PTPRD: variants seen among roughly 807,000 people sequenced by gnomAD.
PTPRD encodes receptor-type tyrosine-protein phosphatase delta.
In PTPRD, 34 loss-of-function variants were observed where a neutral mutation model predicts 214.5. The observed-to-expected ratio is 0.16, with a 90% CI of 0.12 to 0.21. The LOEUF (loss-of-function observed/expected upper bound fraction) is 0.21. Among genes scored for constraint, PTPRD ranks in the 10% least tolerant of loss-of-function variants. The pLI is 1.00. For missense variants in PTPRD, 2,545 were observed against 2,398.7 expected (o/e 1.06, Z -1.27); for synonymous variants, 1,128 against 845.7 (o/e 1.33, Z -5.79).
chr9:8,445,516 G>T (rs958890901), intron 34 of PTPRD, among the ~76,000 whole-genome samples: 6 of 152,012 alleles, frequency 3.9e-5, no homozygotes, highest in Non-Finnish European at 8.8e-5. Flanking sequence ...CTTTAATAAT[G>T]AAAGTGTACA....
chr9:9,951,951 G>A (rs1028856976), intron 4 of PTPRD, among the ~76,000 whole-genome samples: 5 of 152,104 alleles, frequency 3.3e-5, no homozygotes, highest in African/African-American at 1.2e-4. Flanking sequence ...CCTGGCCCTG[G>A]CCCAAATATA....
intron 3 of PTPRD, among the ~76,000 whole-genome samples, chr9:10,112,494 G>A (rs1218474073): frequency 1.3e-5 from 2 of 151,906 alleles, no homozygotes; most frequent in African/African-American, 2.4e-5. Flanking sequence ...GTAAATGAAG[G>A]TCACTGCTTT....
chr9:9,533,001 CAGA>C (rs1459982609), intron 8 of PTPRD, among the ~76,000 whole-genome samples: 1 of 152,080 alleles, frequency 6.6e-6, no homozygotes, highest in East Asian at 1.9e-4. Context: ...GAAGACAGTG[CAGA>C]AGAAGTTTAC....
At chr9:8,535,906 C>T (rs1335000283) in intron 14 of PTPRD, among the ~76,000 whole-genome samples, 2 of 151,718 alleles carry the variant, frequency 1.3e-5, no homozygotes, top group Non-Finnish European at 2.9e-5. Context: ...TTACTAAATC[C>T]CACCTTTAAC....
At chr9:9,154,959 T>C (rs2099879970) in intron 10 of PTPRD, among the ~76,000 whole-genome samples, 1 of 152,216 alleles carries the variant, frequency 6.6e-6, no homozygotes, top group Admixed American at 6.6e-5. Context: ...CTGTCTTGTG[T>C]GCTTGTGTCT....
intron 7 of PTPRD, among the ~76,000 whole-genome samples, chr9:9,673,964 T>A (rs1319502737): frequency 1.3e-5 from 2 of 151,714 alleles, no homozygotes; most frequent in East Asian, 3.9e-4. Flanking sequence ...AATGATGAAA[T>A]AATGACATTT....
chr9:10,170,531 C>CA (rs1227913388), intron 3 of PTPRD, among the ~76,000 whole-genome samples: 1 of 151,894 alleles, frequency 6.6e-6, no homozygotes, highest in Non-Finnish European at 1.5e-5. Flanking sequence ...ACTAAAAACA[C>CA]AAAAAATTAA....
intron 10 of PTPRD, among the ~76,000 whole-genome samples, chr9:9,144,609 T>C (rs573543443): frequency 6.6e-6 from 1 of 152,012 alleles, no homozygotes; most frequent in East Asian, 1.9e-4. Context: ...AAAAATTAGC[T>C]GGGTGTGGTG....
At chr9:9,198,440 T>C (rs1214109668) in intron 9 of PTPRD, among the ~76,000 whole-genome samples, 1 of 152,162 alleles carries the variant, frequency 6.6e-6, no homozygotes, top group Non-Finnish European at 1.5e-5. Flanking sequence ...TTACTTAACA[T>C]GGACTCACTT....
intron 4 of PTPRD, among the ~76,000 whole-genome samples, chr9:9,992,858 G>T (rs951511354): frequency 1.3e-5 from 2 of 151,874 alleles, no homozygotes; most frequent in Admixed American, 1.3e-4. Context: ...TAAATGACGA[G>T]TTAACGGGTG....
intron 9 of PTPRD, among the ~76,000 whole-genome samples, chr9:9,390,053 C>T (rs973898536): frequency 6.6e-5 from 10 of 152,182 alleles, no homozygotes; most frequent in Non-Finnish European, 1.5e-4. Flanking sequence ...TCAGCAGAGA[C>T]TTCAAGGTTG....
chr9:8,430,868 C>T (rs1352590039), intron 35 of PTPRD, among the ~76,000 whole-genome samples: 1 of 152,156 alleles, frequency 6.6e-6, no homozygotes, highest in Non-Finnish European at 1.5e-5. Flanking sequence ...TTTACTGAAT[C>T]CCAATAACAT....
chr9:8,704,687 A>C (rs1388182229), intron 12 of PTPRD, among the ~76,000 whole-genome samples: 1 of 151,892 alleles, frequency 6.6e-6, no homozygotes, highest in African/African-American at 2.4e-5. Flanking sequence ...TAGATGGTAA[A>C]AAGAAATGAG....
At chr9:9,717,717 A>C (rs1470880051) in intron 7 of PTPRD, among the ~76,000 whole-genome samples, 1 of 152,206 alleles carries the variant, frequency 6.6e-6, no homozygotes, top group African/African-American at 2.4e-5. Flanking sequence ...AATAATGGGA[A>C]TACCAAGCCA....
chr9:9,747,593 C>T (rs2098471344), intron 6 of PTPRD, among the ~76,000 whole-genome samples: 1 of 145,088 alleles, frequency 6.9e-6, no homozygotes, highest in Non-Finnish European at 1.5e-5. Flanking sequence ...TTCGCCCAGG[C>T]TGGAGTTCAA....
intron 7 of PTPRD, among the ~76,000 whole-genome samples, chr9:9,679,908 T>C (rs2097029019): frequency 6.6e-6 from 1 of 151,908 alleles, no homozygotes; most frequent in Admixed American, 6.6e-5. Flanking sequence ...TAAAATAGTG[T>C]GCTTATACAA....
intron 7 of PTPRD, among the ~76,000 whole-genome samples, chr9:9,674,093 A>T (rs2096883327): frequency 6.6e-6 from 1 of 151,808 alleles, no homozygotes; most frequent in African/African-American, 2.4e-5. Flanking sequence ...AGCAAAATTC[A>T]TAAATATGTA....
chr9:9,740,193 T>C (rs2098378620), intron 6 of PTPRD, among the ~76,000 whole-genome samples: 1 of 152,156 alleles, frequency 6.6e-6, no homozygotes, highest in Non-Finnish European at 1.5e-5. Context: ...AAGATGCATG[T>C]TGTCATATCC....
At chr9:9,553,746 A>T (rs571995318) in intron 8 of PTPRD, among the ~76,000 whole-genome samples, 51 of 152,210 alleles carry the variant, frequency 3.4e-4, no homozygotes. Flanking sequence ...ATTAAGTTTT[A>T]TACTTGGAAA....
Sources: allele counts gnomAD v4.1 joint callset (sites outside exome capture counted in the v4.1 genomes callset), GRCh38; gene constraint gnomAD v4.1.1; transcripts MANE v1.5; gene names NCBI Gene and HGNC (gene_info 2026-07-23, HGNC 2026-07-21).